The following C4orf17 variants were observed in gnomAD, a reference collection of about 807,000 sequenced individuals.
The protein encoded by C4orf17 is chromosome 4 open reading frame 17, also known as uncharacterized protein C4orf17.
In C4orf17, 25 loss-of-function variants were observed where a neutral mutation model predicts 32.0. The observed-to-expected ratio is 0.78, with a 90% CI of 0.57 to 1.09. C4orf17 has a LOEUF of 1.09. Ranked by LOEUF, C4orf17 falls within the 50% of genes least tolerant of loss-of-function variation. The probability of loss-of-function intolerance (pLI) is 0.00; values close to 1 mark genes in which losing one functional copy is unlikely to be tolerated. For missense variants in C4orf17, 420 were observed against 420.0 expected (o/e 1.00, Z 0.00); for synonymous variants, 149 against 145.8 (o/e 1.02, Z -0.16).
rs1397320372 is a variant in C4orf17, at chr4:99,529,854, G to T, written c.442G>T (p.Ala148Ser). 4 of 1,612,730 alleles carry T rather than the reference G, an allele frequency of 2.5e-6. No individual in the cohort carries two copies. Among genetic ancestry groups the T allele is most frequent in the Non-Finnish European group, 8.5e-7 (1 of 1,179,296 alleles). ...CAAAAGACCACCATCACCTCCAAAG[G>T]CATGCTCTACTCCTGGCTCCTGTTC... ...KAKRPPSPPK[A>S]CSTPGSCSSG... Residue 148 changes from alanine to serine, a missense_variant, in exon 5 of 9, where the codon GCA (alanine) becomes TCA (serine). By Grantham distance (99) the Ala-to-Ser change is moderately conservative (BLOSUM62 1). Coordinates refer to ENST00000326581, the MANE Select transcript of C4orf17 (RefSeq NM_032149.3).
intron 2 of C4orf17, among the ~76,000 whole-genome samples, chr4:99,518,411 G>A (rs1158237565): frequency 7.0e-6 from 1 of 141,874 alleles, no homozygotes. Flanking sequence ...CCTGAGCCCC[G>A]AGTTCAAGGC....
At chr4:99,534,046 T>C (rs1723519814) in intron 5 of C4orf17, among the ~76,000 whole-genome samples, 1 of 152,206 alleles carries the variant, frequency 6.6e-6, no homozygotes, top group South Asian at 2.1e-4. Flanking sequence ...CAGGTAAATG[T>C]ATGCCCTGGT....
chr4:99,536,783 G>A lies in C4orf17; in HGVS notation c.547-886G>A, dbSNP rs535306266. ...GGAAGGATAAATTCACCAAAAGTAT[G>A]TTCCTACTAGAAGATGTTGGTACTG... On this transcript the variant is annotated intron_variant, in intron 5 of 8. Coordinates refer to ENST00000326581, the MANE Select transcript of C4orf17 (RefSeq NM_032149.3). 7.4e-4 allele frequency among the ~76,000 whole-genome samples: 113 copies of A among 152,300 alleles called. 1 individual carries two copies. Among genetic ancestry groups the A allele is most frequent in the African/African-American group, 2.0e-3 (85 of 41,560 alleles).
chr4:99,533,006 GAAC>G (rs1553922999), intron 5 of C4orf17, among the ~76,000 whole-genome samples: 1 of 152,098 alleles, frequency 6.6e-6, no homozygotes, highest in Non-Finnish European at 1.5e-5. Context: ...TTAAAACAAC[GAAC>G]AACAATTAAT....
chr4:99,533,152 C>T (rs1240026622), intron 5 of C4orf17, among the ~76,000 whole-genome samples: 1 of 152,088 alleles, frequency 6.6e-6, no homozygotes, highest in Non-Finnish European at 1.5e-5. Context: ...TGTGGGAAGC[C>T]AGCAAAGAAT....
At chr4:99,518,361 C>A (rs1264756251) in intron 2 of C4orf17, among the ~76,000 whole-genome samples, 2 of 150,534 alleles carry the variant, frequency 1.3e-5, no homozygotes, top group Non-Finnish European at 3.0e-5. Flanking sequence ...GGTGGTGTAC[C>A]TGTAGTTCTA....
intron 5 of C4orf17, among the ~76,000 whole-genome samples, chr4:99,535,745 T>G (rs1723550804): frequency 6.6e-6 from 1 of 152,208 alleles, no homozygotes; most frequent in African/African-American, 2.4e-5. Flanking sequence ...CATTCAGCCA[T>G]CTCAGCCTCA....
intron 5 of C4orf17, among the ~76,000 whole-genome samples, chr4:99,536,380 C>T (rs913441683): frequency 3.3e-5 from 5 of 152,184 alleles, no homozygotes; most frequent in African/African-American, 1.2e-4. Context: ...GGCTCTGTCC[C>T]AGGGGGAGAT....
chr4:99,519,762 T>A (rs72681965), intron 2 of C4orf17, among the ~76,000 whole-genome samples: 9,859 of 152,164 alleles, frequency 0.065, 536 homozygotes, highest in Non-Finnish European at 0.087. Flanking sequence ...GTTAGAAGAC[T>A]GATTCAGTCA....
intron 4 of C4orf17, among the ~76,000 whole-genome samples, chr4:99,529,209 A>T (rs912989486): frequency 1.3e-5 from 2 of 152,220 alleles, no homozygotes; most frequent in Non-Finnish European, 2.9e-5. Flanking sequence ...GAACAGGCCC[A>T]TGGATCTAAG....
rs34303512 is a variant in C4orf17, at chr4:99,523,976, CTTTTTTTT to C, written c.338-531_338-524del. Among the ~76,000 whole-genome samples the C allele has an allele frequency of 5.9e-4, 67 of 114,100 alleles. 1 individual carries two copies. The highest frequency in any genetic ancestry group is 2.2e-3 in the African/African-American group (63 of 28,332). 74.9% of individuals were successfully genotyped at this position (114,100 alleles called of 152,430 possible). A position where few individuals can be genotyped will look rare whatever the true frequency, so the allele number is the denominator to read the frequency against. On this transcript the variant is annotated intron_variant, in intron 3 of 8. Coordinates refer to ENST00000326581, the MANE Select transcript of C4orf17 (RefSeq NM_032149.3). ...AATATGTCTTATACTAAAATATATA[CTTTTTTTT>C]TTTTTTTTTTTTTGAGACGGAGTCT...
chr4:99,532,933 A>T (rs1266758581), intron 5 of C4orf17, among the ~76,000 whole-genome samples: 1 of 152,200 alleles, frequency 6.6e-6, no homozygotes, highest in African/African-American at 2.4e-5. Context: ...GAAGTGTGGA[A>T]GAGATCTTTC....
At chr4:99,541,772 T>C in intron 8 of C4orf17, 138 bp from the exon 9 acceptor site, 2 of 654,412 alleles carry the variant, frequency 3.1e-6, no homozygotes, top group Non-Finnish European at 5.3e-6. Flanking sequence ...AAGGAATATA[T>C]TCTTTTGTGA....
At chr4:99,525,791 G>A (rs1308875339) in intron 4 of C4orf17, among the ~76,000 whole-genome samples, 17 of 146,928 alleles carry the variant, frequency 1.2e-4, no homozygotes, top group South Asian at 2.2e-4. Flanking sequence ...GCAAGATTCC[G>A]TTTCAAAAAA....
At chr4:99,522,761 G>C in intron 3 of C4orf17, 52 bp downstream of exon 3, 1 of 1,425,472 alleles carries the variant, frequency 7.0e-7, no homozygotes, top group South Asian at 1.2e-5. Flanking sequence ...CTGCAAACAA[G>C]GCTGTGGGGA....
intron 2 of C4orf17, among the ~76,000 whole-genome samples, chr4:99,517,148 T>C (rs766548707): frequency 6.6e-6 from 1 of 152,214 alleles, no homozygotes; most frequent in African/African-American, 2.4e-5. Flanking sequence ...TAGTTTCACA[T>C]CTGCATGCCA....
chr4:99,521,781 AC>A, intron 2 of C4orf17, among the ~76,000 whole-genome samples: 1 of 152,232 alleles, frequency 6.6e-6, no homozygotes, highest in Admixed American at 6.5e-5. Flanking sequence ...TGCCCGGCAC[AC>A]CCCCATTTCC....
Position 99,511,290 on chromosome 4 carries a change from T to C in C4orf17, c.-94+18T>C, listed in dbSNP as rs1008348525. ...GTCCTCAGGTATAATTTTAAATTCATCATTACAATAATGTTCTAAAATTTT... is the reference window on the plus strand; with the variant it reads ...GTCCTCAGGTATAATTTTAAATTCACCATTACAATAATGTTCTAAAATTTT... On this transcript the variant is annotated intron_variant, in intron 1 of 8. Transcript: ENST00000326581. 1.3e-5 allele frequency: 2 copies of C among 152,186 alleles called. No individual in the cohort carries two copies. Among genetic ancestry groups the C allele is most frequent in the African/African-American group, 4.8e-5 (2 of 41,458 alleles). The allele number at this position is 152,186 out of a possible 1,614,324, so 9.4% of individuals were successfully genotyped here.
intron 3 of C4orf17, among the ~76,000 whole-genome samples, chr4:99,523,079 A>G (rs1220465390): frequency 3.3e-5 from 5 of 152,036 alleles, no homozygotes; most frequent in Non-Finnish European, 5.9e-5. Flanking sequence ...GCATGTTTAC[A>G]TTGTCCTCAT....
Sources: gnomAD v4.1 joint callset for allele counts (sites outside exome capture counted in the v4.1 genomes callset) on GRCh38, gnomAD v4.1.1 for gene constraint, MANE v1.5 for transcripts, NCBI Gene and HGNC (gene_info 2026-07-23, HGNC 2026-07-21) for gene names.